Variants in SGMS2 observed in about 807,000 individuals in gnomAD.
SGMS2 encodes phosphatidylcholine:ceramide cholinephosphotransferase 2.
Under a neutral mutation model 43.8 loss-of-function variants are expected in SGMS2, and 21 were observed. The ratio of observed to expected loss-of-function variants is 0.48; its 90% CI spans 0.34 to 0.69. The LOEUF is 0.69. SGMS2 is among the 30% of genes least tolerant of loss of function. The probability of loss-of-function intolerance (pLI) is 0.01; values close to 1 mark genes in which losing one functional copy is unlikely to be tolerated. For missense variants in SGMS2, 384 were observed against 443.2 expected, an observed-to-expected ratio of 0.87 and a Z score of 1.20; for synonymous variants, 167 against 160.6, an observed-to-expected ratio of 1.04 and a Z score of -0.30.
Position 107,911,738 on chromosome 4 carries a change from TGTTA to T in SGMS2, c.*1190_*1193del, listed in dbSNP as rs1346640380. 2 of 152,200 alleles carry T rather than the reference TGTTA, an allele frequency of 1.3e-5. No homozygotes were observed. Among genetic ancestry groups the T allele is most frequent in the African/African-American group, 4.8e-5 (2 of 41,450 alleles). The allele number at this position is 152,200 out of a possible 1,614,324, so 9.4% of individuals were successfully genotyped here. A position where few individuals can be genotyped will look rare whatever the true frequency, so the allele number is the denominator to read the frequency against. On this transcript the variant is annotated 3_prime_UTR_variant, in exon 7 of 7. Transcript: ENST00000690982. The stretch of plus-strand genomic sequence containing the variant: ...CTATAATATACTCTCGGAATCAGTG[TGTTA>T]GTTACAGCTATACAGTGAAGGGGGA...
At chr4:107,839,826 G>A (rs1726398377) in intron 1 of SGMS2, among the ~76,000 whole-genome samples, 1 of 151,986 alleles carries the variant, frequency 6.6e-6, no homozygotes, top group African/African-American at 2.4e-5. Flanking sequence ...CTTTACTAGA[G>A]GGAGACACAT....
intron 2 of SGMS2, among the ~76,000 whole-genome samples, chr4:107,882,082 T>C (rs1245710668): frequency 6.6e-6 from 1 of 152,232 alleles, no homozygotes; most frequent in East Asian, 1.9e-4. Context: ...GGAGTGCAGA[T>C]ATCTCTTTGA....
chr4:107,876,941 G>A (rs1728952882), intron 2 of SGMS2, among the ~76,000 whole-genome samples: 1 of 151,976 alleles, frequency 6.6e-6, no homozygotes, highest in Non-Finnish European at 1.5e-5. Flanking sequence ...TTCTTCCCTG[G>A]ACTAGCCATT....
At chr4:107,846,263 TC>T (rs1212649728) in intron 1 of SGMS2, among the ~76,000 whole-genome samples, 4 of 61,744 alleles carry the variant, frequency 6.5e-5, no homozygotes, top group African/African-American at 2.8e-4. Flanking sequence ...CCCTCCCCCC[TC>T]CCCCCACCCC....
At chr4:107,869,915 C>T (rs1167435337) in intron 2 of SGMS2, among the ~76,000 whole-genome samples, 1 of 152,004 alleles carries the variant, frequency 6.6e-6, no homozygotes, top group African/African-American at 2.4e-5. Context: ...AGGTCTTTAA[C>T]GAGGTCAGTA....
At chr4:107,888,383 A>G (rs1386959360) in intron 2 of SGMS2, among the ~76,000 whole-genome samples, 1 of 152,182 alleles carries the variant, frequency 6.6e-6, no homozygotes, top group Non-Finnish European at 1.5e-5. Context: ...CCAAAACTTA[A>G]TAATATGACA....
Position 107,912,442 on chromosome 4 carries a change from A to G in SGMS2, c.*1889A>G, listed in dbSNP as rs1482169972. 1 of 152,156 alleles carries G rather than the reference A, an allele frequency of 6.6e-6. No homozygotes were observed. Among genetic ancestry groups the G allele is most frequent in the East Asian group, 1.9e-4 (1 of 5,194 alleles). 9.4% of individuals were successfully genotyped at this position (152,156 alleles called of 1,614,324 possible). On this transcript the variant is annotated 3_prime_UTR_variant, in exon 7 of 7. Transcript: ENST00000690982. ...TTCTATATAATGTTCGCTTATATTC[A>G]TTTATTAACTAGCAACACTTGTGCA... is the stretch of plus-strand genomic sequence containing the variant.
intron 2 of SGMS2, among the ~76,000 whole-genome samples, chr4:107,874,423 A>T (rs1728766593): frequency 6.6e-6 from 1 of 152,180 alleles, no homozygotes; most frequent in Non-Finnish European, 1.5e-5. Context: ...CATTCCCTGA[A>T]GGTTGCTGGA....
At chr4:107,839,076 T>C (rs1371254459) in intron 1 of SGMS2, among the ~76,000 whole-genome samples, 1 of 152,206 alleles carries the variant, frequency 6.6e-6, no homozygotes, top group Non-Finnish European at 1.5e-5. Flanking sequence ...CCTGTACTTT[T>C]TTGGGAGTCA....
chr4:107,909,158 T>C (rs1371823160), intron 6 of SGMS2, among the ~76,000 whole-genome samples: 2 of 151,326 alleles, frequency 1.3e-5, no homozygotes, highest in African/African-American at 4.9e-5. Flanking sequence ...CAAGCTGGAG[T>C]ACAGTGGTGC....
chr4:107,908,259 C>A, intron 5 of SGMS2: 1 of 230,698 alleles, frequency 4.3e-6, no homozygotes, highest in East Asian at 8.6e-5. Context: ...TCCAGCAAAC[C>A]TAATAAGAAA....
chr4:107,866,912 G>A (rs1035915824), intron 2 of SGMS2: 154 of 152,302 alleles, frequency 1.0e-3, no homozygotes, highest in African/African-American at 3.7e-3. Context: ...ACTGACCCAG[G>A]ATTAATCATG....
chr4:107,830,498 C>G lies in SGMS2; in HGVS notation c.-327+5245C>G, dbSNP rs561070025. On this transcript the variant is annotated intron_variant, in intron 1 of 6. Transcript: ENST00000690982. ...TTAGCTGAGCCAATTTACATTCCCA[C>G]CAGCAGTATATAAGTGTTCCCTTTT... Among the ~76,000 whole-genome samples, 9 of 152,306 alleles carry G rather than the reference C, an allele frequency of 5.9e-5. No homozygotes were observed. In the South Asian group the frequency reaches 1.5e-3, roughly 25 times the overall value.
intron 5 of SGMS2, 132 bp downstream of exon 5, chr4:107,903,518 T>TATGTGA: frequency 1.4e-6 from 1 of 726,934 alleles, no homozygotes; most frequent in Non-Finnish European, 2.2e-6. Flanking sequence ...TGTATATATG[T>TATGTGA]ATGTGAATGT....
chr4:107,833,300 T>C (rs926913866), intron 1 of SGMS2, among the ~76,000 whole-genome samples: 4 of 152,200 alleles, frequency 2.6e-5, no homozygotes, highest in Non-Finnish European at 5.9e-5. Flanking sequence ...GAGTAGCTTG[T>C]ACACTTGAGG....
intron 5 of SGMS2, among the ~76,000 whole-genome samples, chr4:107,905,220 A>G (rs2126149234): frequency 6.6e-6 from 1 of 152,328 alleles, no homozygotes; most frequent in East Asian, 1.9e-4. Flanking sequence ...GTGGAAGGCA[A>G]AAGGCATGTT....
intron 1 of SGMS2, among the ~76,000 whole-genome samples, chr4:107,841,829 T>C (rs888407251): frequency 1.3e-5 from 2 of 152,050 alleles, no homozygotes; most frequent in African/African-American, 4.8e-5. Flanking sequence ...TTCAATTTTT[T>C]TTGTAGAGAT....
In SGMS2 at chr4:107,911,140, TTTTTGTTTTG is replaced by T. The variant is rs878951727; in HGVS notation, c.*602_*611del. On this transcript the variant is annotated 3_prime_UTR_variant, in exon 7 of 7. Transcript: ENST00000690982. ...CACCCAATGCGCTACATATCACTTT[TTTTTGTTTTG>T]TTTTGTTTTGTTTTTAAAAGATCAT... 2 of 152,214 alleles carry T rather than the reference TTTTTGTTTTG, an allele frequency of 1.3e-5. No individual in the cohort carries two copies. The highest frequency in any genetic ancestry group is 6.5e-5 in the Admixed American group (1 of 15,274). The allele number at this position is 152,214 out of a possible 1,614,324, so 9.4% of individuals were successfully genotyped here.
At chr4:107,885,583 T>A (rs1353148135) in intron 2 of SGMS2, among the ~76,000 whole-genome samples, 1 of 152,156 alleles carries the variant, frequency 6.6e-6, no homozygotes, top group Non-Finnish European at 1.5e-5. Flanking sequence ...AGAAAACACA[T>A]CCATAGACAC....
Sources: allele counts gnomAD v4.1 joint callset (sites outside exome capture counted in the v4.1 genomes callset), GRCh38; gene constraint gnomAD v4.1.1; transcripts MANE v1.5; gene names NCBI Gene and HGNC (gene_info 2026-07-23, HGNC 2026-07-21).